The following GLRA1 variants were observed in gnomAD, a reference collection of about 807,000 sequenced individuals.
GLRA1 encodes the protein glycine receptor alpha 1, also known as glycine receptor subunit alpha-1.
In GLRA1, 37 loss-of-function variants were observed where a neutral mutation model predicts 48.3. That is an observed-to-expected ratio of 0.77 (90% CI 0.59 to 1.01). GLRA1 has a LOEUF of 1.01. GLRA1 is among the 50% of genes least tolerant of loss of function. The pLI, the probability that GLRA1 is intolerant of heterozygous loss-of-function variation, is 0.00. For synonymous variants in GLRA1, 196 were observed against 210.7 expected (o/e 0.93, Z 0.60); for missense variants, 427 against 571.0 (o/e 0.75, Z 2.57).
intron 5 of GLRA1, among the ~76,000 whole-genome samples, 185 bp from the exon 6 acceptor site, chr5:151,855,362 A>G: frequency 6.6e-6 from 1 of 152,142 alleles, no homozygotes; most frequent in East Asian, 1.9e-4. Context: ...TCTACATCAG[A>G]GCCCTTCCAC....
intron 7 of GLRA1, chr5:151,850,860 TC>T (rs1752886968): frequency 1.6e-6 from 1 of 642,062 alleles, no homozygotes; most frequent in Non-Finnish European, 2.9e-6. Context: ...CTTCCCCCTC[TC>T]CCAATTGTCC....
rs760496462 is a variant in GLRA1, at chr5:151,828,894, T to G, written c.1059+27A>C. ...TCTTTTGTTTACTAACAGCTGTCCC[T>G]CCTTAGGCAGTGACCCAAAGGCCTA... On this transcript the variant is annotated intron_variant, in intron 8 of 8. Coordinates refer to ENST00000274576, the MANE Select transcript of GLRA1 (RefSeq NM_000171.4). The G allele has an allele frequency of 2.5e-6, 4 of 1,608,036 alleles. No homozygotes were observed. The East Asian group carries it at 8.9e-5, about 36-fold the overall frequency.
chr5:151,827,001 C>A (rs1030190304), intron 8 of GLRA1, among the ~76,000 whole-genome samples: 1 of 147,718 alleles, frequency 6.8e-6, no homozygotes, highest in African/African-American at 2.5e-5. Context: ...GAGATACTTA[C>A]GTTTGGTCAG....
chr5:151,865,774 G>A (rs975459897), intron 3 of GLRA1, among the ~76,000 whole-genome samples: 1 of 152,056 alleles, frequency 6.6e-6, no homozygotes, highest in Non-Finnish European at 1.5e-5. Flanking sequence ...AAGTTAGAGC[G>A]AGAGACGGAG....
chr5:151,870,132 A>C (rs1306331461), intron 3 of GLRA1, among the ~76,000 whole-genome samples: 1 of 149,672 alleles, frequency 6.7e-6, no homozygotes, highest in Non-Finnish European at 1.5e-5. Context: ...AGATCAAGGA[A>C]ATATAGTAGA....
Position 151,871,226 on chromosome 5 carries a change from G to A in GLRA1, c.253-11218C>T, listed in dbSNP as rs115397972. Among the ~76,000 whole-genome samples, 343 of 149,362 alleles carry A rather than the reference G, an allele frequency of 2.3e-3. 30 individuals are homozygous for A. The highest frequency in any genetic ancestry group is 5.3e-3 in the African/African-American group (207 of 38,852). ...GTGGCACCATATCTAATTGGATAAC[G>A]CTGAATAGACTTTCTCTTGGATCCC... On this transcript the variant is annotated intron_variant, in intron 3 of 8. Coordinates refer to ENST00000274576, the MANE Select transcript of GLRA1 (RefSeq NM_000171.4).
At chr5:151,890,230 G>A (rs1754028978) in intron 2 of GLRA1, among the ~76,000 whole-genome samples, 1 of 144,422 alleles carries the variant, frequency 6.9e-6, no homozygotes, top group Admixed American at 6.9e-5. Flanking sequence ...GCATATTTGT[G>A]GGGTCATTTA....
chr5:151,861,704 C>T (rs1357972604), intron 3 of GLRA1, among the ~76,000 whole-genome samples: 1 of 152,074 alleles, frequency 6.6e-6, no homozygotes, highest in Admixed American at 6.5e-5. Context: ...AATAAAATAC[C>T]TAGGAATCCA....
At chr5:151,851,627 G>A (rs1752915392) in intron 6 of GLRA1, 23 bp from the exon 7 acceptor site, 2 of 1,531,348 alleles carry the variant, frequency 1.3e-6, no homozygotes, top group African/African-American at 2.7e-5. Flanking sequence ...GCAGTGAGAA[G>A]GCAGTGTAGC....
chr5:151,825,692 T>TA (rs1763254829), intron 8 of GLRA1, among the ~76,000 whole-genome samples: 1 of 152,184 alleles, frequency 6.6e-6, no homozygotes, highest in East Asian at 1.9e-4. Flanking sequence ...GGTTTCCTGA[T>TA]AATTTGCCTA....
chr5:151,910,300 T>G (rs1476244729), intron 1 of GLRA1, among the ~76,000 whole-genome samples: 1 of 152,216 alleles, frequency 6.6e-6, no homozygotes, highest in African/African-American at 2.4e-5. Flanking sequence ...TTAAAAAATA[T>G]ATTTTCCAGC....
At chr5:151,826,499 T>C (rs2915886) in intron 8 of GLRA1, among the ~76,000 whole-genome samples, 69,492 of 151,982 alleles carry the variant, frequency 0.46, 16,421 homozygotes, top group African/African-American at 0.58. Context: ...AACCTCGGGT[T>C]TTTTAGCACC....
At chr5:151,829,510 A>T (rs571938737) in intron 7 of GLRA1, among the ~76,000 whole-genome samples, 1 of 152,366 alleles carries the variant, frequency 6.6e-6, no homozygotes, top group East Asian at 1.9e-4. Context: ...TCCACTAATT[A>T]CCAAAGGCTT....
Position 151,917,018 on chromosome 5 carries a change from C to T in GLRA1, c.56+7476G>A, listed in dbSNP as rs150007930. Reference sequence around the variant, plus strand: ...AGTTAGGGTGTATGGACTCTAGAGACGATATGTAGTGGAGTAAGTTTGGGG... The same window carrying T: ...AGTTAGGGTGTATGGACTCTAGAGATGATATGTAGTGGAGTAAGTTTGGGG... On this transcript the variant is annotated intron_variant, in intron 1 of 8. Coordinates refer to ENST00000274576, the MANE Select transcript of GLRA1 (RefSeq NM_000171.4). 1.9e-3 allele frequency among the ~76,000 whole-genome samples: 291 copies of T among 152,200 alleles called. 2 individuals carry two copies. Among genetic ancestry groups the T allele is most frequent in the African/African-American group, 6.4e-3 (264 of 41,524 alleles).
intron 1 of GLRA1, among the ~76,000 whole-genome samples, chr5:151,897,040 AATG>A (rs1386989500): frequency 6.6e-6 from 1 of 152,164 alleles, no homozygotes; most frequent in Non-Finnish European, 1.5e-5. Flanking sequence ...TTGGTTCAAT[AATG>A]ATTTATTGTT....
intron 7 of GLRA1, among the ~76,000 whole-genome samples, chr5:151,840,554 T>G (rs1230694527): frequency 6.6e-6 from 1 of 152,038 alleles, no homozygotes; most frequent in African/African-American, 2.4e-5. Context: ...CTAAACAAAC[T>G]AATTGAAAGT....
intron 1 of GLRA1, among the ~76,000 whole-genome samples, chr5:151,914,600 C>T (rs1293093376): frequency 6.6e-6 from 1 of 152,086 alleles, no homozygotes; most frequent in Admixed American, 6.5e-5. Context: ...TCTTCTTGAC[C>T]TCCTGATTCA....
At chr5:151,845,451 G>C (rs1438919183) in intron 7 of GLRA1, among the ~76,000 whole-genome samples, 2 of 152,234 alleles carry the variant, frequency 1.3e-5, no homozygotes, top group East Asian at 3.9e-4. Flanking sequence ...AGATACAGAA[G>C]GGATCAATAA....
At chr5:151,913,017 G>T (rs1158402921) in intron 1 of GLRA1, among the ~76,000 whole-genome samples, 1 of 152,196 alleles carries the variant, frequency 6.6e-6, no homozygotes. Context: ...CCCAGCTGGG[G>T]CTAGGTATAG....
Sources: allele counts gnomAD v4.1 joint callset (sites outside exome capture counted in the v4.1 genomes callset), GRCh38; gene constraint gnomAD v4.1.1; transcripts MANE v1.5; gene names NCBI Gene and HGNC (gene_info 2026-07-23, HGNC 2026-07-21).